The following CCDC60 variants were observed in gnomAD, a reference collection of about 807,000 sequenced individuals.
CCDC60 encodes the protein coiled-coil domain containing 60.
CCDC60 carries 54 observed loss-of-function variants against 63.5 expected under a neutral mutation model. The observed-to-expected ratio is 0.85, with a 90% CI of 0.68 to 1.07. CCDC60 has a LOEUF of 1.07. CCDC60 is among the 50% of genes least tolerant of loss of function. The pLI is 0.00. For synonymous variants in CCDC60, 206 were observed against 238.8 expected, an observed-to-expected ratio of 0.86 and a Z score of 1.27; for missense variants, 651 against 684.3, an observed-to-expected ratio of 0.95 and a Z score of 0.54.
chr12:119,461,058 T>C (rs895893514), intron 2 of CCDC60, among the ~76,000 whole-genome samples: 2 of 152,190 alleles, frequency 1.3e-5, no homozygotes, highest in East Asian at 3.9e-4. Flanking sequence ...CCTACTGTCT[T>C]CCGATCTCTG....
At chr12:119,360,671 A>C (rs12369461) in intron 1 of CCDC60, among the ~76,000 whole-genome samples, 8 of 148,996 alleles carry the variant, frequency 5.4e-5, no homozygotes, top group African/African-American at 2.0e-4. Flanking sequence ...GGGCAGAGAC[A>C]CTCCTCACTT....
intron 2 of CCDC60, among the ~76,000 whole-genome samples, chr12:119,432,764 G>A (rs892308575): frequency 1.3e-5 from 2 of 152,132 alleles, no homozygotes; most frequent in African/African-American, 4.8e-5. Context: ...CACAGCTATT[G>A]TTAAAGATTA....
chr12:119,523,057 C>T, intron 10 of CCDC60, 56 bp downstream of exon 10: 1 of 1,445,892 alleles, frequency 6.9e-7, no homozygotes, highest in Non-Finnish European at 9.7e-7. Flanking sequence ...GTGACCACAC[C>T]CTCTATCTTC....
intron 13 of CCDC60, among the ~76,000 whole-genome samples, chr12:119,536,879 A>G (rs1199952976): frequency 6.6e-6 from 1 of 152,054 alleles, no homozygotes; most frequent in Non-Finnish European, 1.5e-5. Context: ...AAATCTGACA[A>G]TTATGTGTCT....
At chr12:119,382,541 A>G (rs1460187885) in intron 1 of CCDC60, among the ~76,000 whole-genome samples, 1 of 152,228 alleles carries the variant, frequency 6.6e-6, no homozygotes, top group African/African-American at 2.4e-5. Context: ...ATGAGACAGC[A>G]GGAGCTCAAG....
At chr12:119,360,332 G>C (rs1955767604) in intron 1 of CCDC60, among the ~76,000 whole-genome samples, 1 of 149,228 alleles carries the variant, frequency 6.7e-6, no homozygotes, top group African/African-American at 2.5e-5. Flanking sequence ...CGGCTGGCCA[G>C]GCGGGGGGCT....
chr12:119,508,199 A>G (rs1952106355), intron 7 of CCDC60, among the ~76,000 whole-genome samples: 1 of 151,958 alleles, frequency 6.6e-6, no homozygotes, highest in Non-Finnish European at 1.5e-5. Context: ...GAAGAAAGTT[A>G]TGGCATGGCA....
intron 1 of CCDC60, among the ~76,000 whole-genome samples, chr12:119,416,354 G>T (rs1398613081): frequency 6.6e-6 from 1 of 152,036 alleles, no homozygotes; most frequent in African/African-American, 2.4e-5. Context: ...ACTCCAGCCT[G>T]GGAAACAAGA....
chr12:119,491,250 G>A (rs1349219582), intron 5 of CCDC60, among the ~76,000 whole-genome samples: 1 of 152,180 alleles, frequency 6.6e-6, no homozygotes, highest in East Asian at 1.9e-4. Context: ...AACAGACACT[G>A]AGGTCATTTC....
chr12:119,464,323 T>C (rs1406747654), intron 2 of CCDC60, among the ~76,000 whole-genome samples: 3 of 116,776 alleles, frequency 2.6e-5, no homozygotes, highest in Non-Finnish European at 5.2e-5. Context: ...TCTTCCTTAC[T>C]TCCTCTTTCC....
rs959832506 is a variant in CCDC60, at chr12:119,420,900, T to C, written c.91-7783T>C. 6.6e-6 allele frequency among the ~76,000 whole-genome samples: 1 copy of C among 152,174 alleles called. No individual in the cohort carries two copies. Among genetic ancestry groups the C allele is most frequent in the Non-Finnish European group, 1.5e-5 (1 of 68,028 alleles). ...AAACCACCAAAAACTTAAACATCCG[T>C]GTGCAAGCTAAGGTCTCCGGGTTCA... On this transcript the variant is annotated intron_variant, in intron 1 of 13. Transcript: ENST00000327554. This position sits in a 1 kb window ranked among gnomAD's most constrained non-coding sequence, Gnocchi z 4.1.
chr12:119,395,640 G>C (rs1050949049), intron 1 of CCDC60, among the ~76,000 whole-genome samples: 1 of 152,188 alleles, frequency 6.6e-6, no homozygotes, highest in African/African-American at 2.4e-5. Context: ...AACCATATCA[G>C]CACGGTAATG....
intron 1 of CCDC60, among the ~76,000 whole-genome samples, chr12:119,382,454 G>A (rs1259555917): frequency 6.6e-6 from 1 of 152,164 alleles, no homozygotes; most frequent in Non-Finnish European, 1.5e-5. Context: ...AAGTTCTGTG[G>A]GAGCACCTAA....
At chr12:119,490,520 T>A (rs1951558707) in intron 5 of CCDC60, among the ~76,000 whole-genome samples, 1 of 152,142 alleles carries the variant, frequency 6.6e-6, no homozygotes. Context: ...GCTTCCAGAA[T>A]TTCCTTGAAA....
In CCDC60 at chr12:119,335,057, T is replaced by C. The variant is rs1955456243; in HGVS notation, c.-120T>C. The C allele has an allele frequency of 1.1e-5, 8 of 735,234 alleles. No individual in the cohort carries two copies. Among genetic ancestry groups the C allele is most frequent in the Non-Finnish European group, 1.8e-5 (8 of 438,750 alleles). 45.5% of individuals were successfully genotyped at this position (735,234 alleles called of 1,614,324 possible). A position where few individuals can be genotyped will look rare whatever the true frequency, so the allele number is the denominator to read the frequency against. On this transcript the variant is annotated 5_prime_UTR_variant, in exon 1 of 14. Transcript: ENST00000327554. ...GAAACCGCTTTGGAGTTCGTGTAAT[T>C]GGGACTTGGGGATCAGGGAGAAGTT...
intron 1 of CCDC60, among the ~76,000 whole-genome samples, chr12:119,366,689 C>T (rs1367217703): frequency 6.6e-6 from 1 of 152,168 alleles, no homozygotes; most frequent in Admixed American, 6.5e-5. Context: ...GATGAGAAAA[C>T]TGAGATCCAG....
chr12:119,386,557 T>C (rs1956064593), intron 1 of CCDC60, among the ~76,000 whole-genome samples: 1 of 150,498 alleles, frequency 6.6e-6, no homozygotes, highest in Admixed American at 6.6e-5. Context: ...GGAGCCATGG[T>C]GCGGTCGCAC....
intron 2 of CCDC60, among the ~76,000 whole-genome samples, chr12:119,469,127 C>G (rs1180628153): frequency 6.6e-6 from 1 of 152,174 alleles, no homozygotes; most frequent in African/African-American, 2.4e-5. Context: ...AATCACTCTT[C>G]CACTCAGAGT....
intron 2 of CCDC60, among the ~76,000 whole-genome samples, chr12:119,429,280 A>G (rs1241833542): frequency 6.6e-6 from 1 of 152,104 alleles, no homozygotes; most frequent in Non-Finnish European, 1.5e-5. Flanking sequence ...GGCTGTTCCT[A>G]TCTTTCCTCT....
Sources: allele counts gnomAD v4.1 joint callset (sites outside exome capture counted in the v4.1 genomes callset), GRCh38; gene constraint gnomAD v4.1.1; non-coding constraint Gnocchi (gnomAD v3.1); transcripts MANE v1.5; gene names NCBI Gene and HGNC (gene_info 2026-07-23, HGNC 2026-07-21).